ZNF233: variants seen among roughly 807,000 people sequenced by gnomAD.
The protein encoded by ZNF233 is zinc finger protein 233.
Under a neutral mutation model 11.6 loss-of-function variants are expected in ZNF233, and 7 were observed. The ratio of observed to expected loss-of-function variants is 0.60; its 90% CI spans 0.34 to 1.13. The LOEUF is 1.13. Among genes scored for constraint, ZNF233 ranks in the 50% most tolerant of loss-of-function variants. The pLI is 0.03. For synonymous variants in ZNF233, 226 were observed against 268.5 expected, an observed-to-expected ratio of 0.84 and a Z score of 1.55; for missense variants, 711 against 785.5, an observed-to-expected ratio of 0.91 and a Z score of 1.13.
intron 3 of ZNF233, 104 bp from the exon 4 acceptor site, chr19:44,266,762 A>G: frequency 1.3e-6 from 1 of 765,448 alleles, no homozygotes; most frequent in Non-Finnish European, 2.1e-6. Context: ...CATGATCACA[A>G]TTTTGAAAAA....
intron 4 of ZNF233, among the ~76,000 whole-genome samples, chr19:44,270,708 T>C (rs1975214810): frequency 6.6e-6 from 1 of 152,172 alleles, no homozygotes; most frequent in Non-Finnish European, 1.5e-5. Flanking sequence ...AGGACCTGCT[T>C]CCAAGGTGGG....
At chr19:44,271,512 ATTT>A (rs777837579) in intron 4 of ZNF233, among the ~76,000 whole-genome samples, 3 of 142,958 alleles carry the variant, frequency 2.1e-5, no homozygotes, top group Non-Finnish European at 3.1e-5. Flanking sequence ...AGAGGAGAGG[ATTT>A]TTTTTTTTTT....
At chr19:44,270,008 A>G (rs1050478176) in intron 4 of ZNF233, among the ~76,000 whole-genome samples, 22 of 152,196 alleles carry the variant, frequency 1.4e-4, no homozygotes, top group African/African-American at 4.6e-4. Context: ...TCAAGGATCA[A>G]TGAAACAAAA....
At chr19:44,260,310 A>C (rs548264131) in intron 1 of ZNF233, 1 of 159,526 alleles carries the variant, frequency 6.3e-6, no homozygotes, top group Non-Finnish European at 1.4e-5. Context: ...AATAGATGTA[A>C]AAATGCGTAG....
At chr19:44,264,932 A>G (rs1318444467) in intron 2 of ZNF233, among the ~76,000 whole-genome samples, 1 of 152,220 alleles carries the variant, frequency 6.6e-6, no homozygotes, top group Non-Finnish European at 1.5e-5. Flanking sequence ...ATGGGGCTTT[A>G]AAAATGCAAT....
intron 1 of ZNF233, among the ~76,000 whole-genome samples, chr19:44,261,739 A>T (rs1599870426): frequency 7.5e-6 from 1 of 133,614 alleles, no homozygotes; most frequent in African/African-American, 2.9e-5. Flanking sequence ...GCAACCTCCC[A>T]CTCCCAGGTT....
intron 4 of ZNF233, chr19:44,268,074 A>T (rs971352291): frequency 9.2e-5 from 14 of 152,170 alleles, no homozygotes; most frequent in African/African-American, 3.1e-4. Flanking sequence ...AAAAAAATTT[A>T]AAAAATTAGC....
intron 4 of ZNF233, among the ~76,000 whole-genome samples, chr19:44,271,841 A>G (rs918757399): frequency 5.9e-5 from 9 of 152,172 alleles, no homozygotes; most frequent in African/African-American, 2.2e-4. Context: ...GATTATTCTT[A>G]TGGACAAGGA....
At position 44,275,246 on chromosome 19, in the gene ZNF233, G is replaced by A. The variant is rs549977381; in HGVS notation, c.*573G>A. On this transcript the variant is annotated 3_prime_UTR_variant, in exon 5 of 5. Transcript: ENST00000683810. ...CAATTCGTCATTATAATTGTACTGG[G>A]AAAAGGATTCTTGCAAGAAGCCTTA... 1 of 253,714 alleles carries A rather than the reference G, an allele frequency of 3.9e-6. No homozygotes were observed. Among genetic ancestry groups the A allele is most frequent in the South Asian group, 1.7e-4 (1 of 5,794 alleles). 15.7% of individuals were successfully genotyped at this position (253,714 alleles called of 1,614,324 possible).
chr19:44,266,433 G>T, intron 3 of ZNF233, 109 bp downstream of exon 3: 1 of 1,330,940 alleles, frequency 7.5e-7, no homozygotes, highest in Non-Finnish European at 9.8e-7. Context: ...TTGGGGATGT[G>T]AATTTTCTAA....
rs752459237 is a variant in ZNF233, at chr19:44,274,359, G to C, written c.1699G>C (p.Asp567His). The C allele has an allele frequency of 3.7e-6, 6 of 1,613,938 alleles. No individual in the cohort carries two copies. In the African/African-American group the frequency reaches 5.3e-5, roughly 14 times the overall value. The change falls in exon 5 of 5, where the codon GAT becomes CAT. Residue 567 changes from aspartate to histidine, a missense_variant. Coordinates refer to ENST00000683810, the MANE Select transcript of ZNF233 (RefSeq NM_001207005.2). Reference sequence around the variant, plus strand: ...TACTGGAGAGAATCCCTACAAATGTGATGTGTGTGGGAAAGGCTTCAGTTG... The same window carrying C: ...TACTGGAGAGAATCCCTACAAATGTCATGTGTGTGGGAAAGGCTTCAGTTG... ...VHTGENPYKC[D>H]VCGKGFSWSS...
chr19:44,270,003 G>T (rs1975195606), intron 4 of ZNF233, among the ~76,000 whole-genome samples: 1 of 152,074 alleles, frequency 6.6e-6, no homozygotes, highest in South Asian at 2.1e-4. Context: ...CTCCCTCAAG[G>T]ATCAATGAAA....
In ZNF233 at chr19:44,274,543, G is replaced by A; in HGVS notation, c.1883G>A (p.Ser628Asn). Reference protein sequence around the residue: ...KPYKCGMCGKSFSQTSHLQAH... With the variant: ...KPYKCGMCGKNFSQTSHLQAH... ...TATAAATGTGGCATGTGTGGTAAGA[G>A]CTTCAGTCAGACTTCACATCTTCAA... Residue 628 changes from serine (S) to asparagine (N), a missense_variant, in exon 5 of 5, where the codon AGC (serine) becomes AAC (asparagine). Physicochemically the swap from Ser to Asn is conservative, Grantham distance 46. Transcript: ENST00000683810. 1.2e-6 allele frequency: 2 copies of A among 1,613,792 alleles called. No homozygotes were observed. The highest frequency in any genetic ancestry group is 2.2e-5 in the South Asian group (2 of 91,058).
In ZNF233 at chr19:44,274,337, T is replaced by C. The variant is rs766356501; in HGVS notation, c.1677T>C (p.Thr559=). The part of the protein sequence containing the change: ...SHLQDHQQVH[T]GENPYKCDVC... The stretch of plus-strand genomic sequence containing the variant: ...TCCAAGACCATCAGCAAGTCCATAC[T>C]GGAGAGAATCCCTACAAATGTGATG... Residue 559 remains threonine (T), a synonymous_variant, in exon 5 of 5, where the codon ACT becomes ACC. Coordinates refer to ENST00000683810, the MANE Select transcript of ZNF233 (RefSeq NM_001207005.2). 1 of 1,613,394 alleles carries C rather than the reference T, an allele frequency of 6.2e-7. No homozygotes were observed. The highest frequency in any genetic ancestry group is 1.1e-5 in the South Asian group (1 of 91,032).
At chr19:44,266,614 G>T (rs552206788) in intron 3 of ZNF233, among the ~76,000 whole-genome samples, 2 of 152,118 alleles carry the variant, frequency 1.3e-5, no homozygotes, top group Non-Finnish European at 2.9e-5. Flanking sequence ...AACGAAAATT[G>T]TAAGTAAAAA....
intron 2 of ZNF233, 21 bp downstream of exon 2, chr19:44,264,396 T>TA (rs1338564460): frequency 6.2e-7 from 1 of 1,609,588 alleles, no homozygotes; most frequent in Non-Finnish European, 8.5e-7. Flanking sequence ...TTTTGATTTT[T>TA]ATCTCTTAAA....
intron 4 of ZNF233, among the ~76,000 whole-genome samples, chr19:44,272,685 A>G (rs913852355): frequency 3.9e-5 from 6 of 152,188 alleles, no homozygotes; most frequent in Admixed American, 6.5e-5. Context: ...CAGTGAGCCA[A>G]GAGCACACCA....
chr19:44,260,471 C>T (rs935230260), intron 1 of ZNF233, among the ~76,000 whole-genome samples: 6 of 152,186 alleles, frequency 3.9e-5, no homozygotes, highest in African/African-American at 1.4e-4. Context: ...CTTCTCTGAT[C>T]TCTGCACCTC....
chr19:44,271,693 G>T (rs1366061956), intron 4 of ZNF233, among the ~76,000 whole-genome samples: 1 of 151,812 alleles, frequency 6.6e-6, no homozygotes, highest in African/African-American at 2.4e-5. Context: ...TGTATTTTTA[G>T]TAGAGACGGG....
Sources: gnomAD v4.1 joint callset for allele counts (sites outside exome capture counted in the v4.1 genomes callset) on GRCh38, gnomAD v4.1.1 for gene constraint, MANE v1.5 for transcripts, NCBI Gene and HGNC (gene_info 2026-07-23, HGNC 2026-07-21) for gene names.